Variants in TRAK1 observed in about 807,000 individuals in gnomAD.
TRAK1 encodes trafficking kinesin-binding protein 1.
A neutral mutation model predicts 92.1 loss-of-function variants in TRAK1; 33 were observed. The ratio of observed to expected loss-of-function variants is 0.36; its 90% CI spans 0.27 to 0.48. The LOEUF is 0.48. TRAK1 is among the 20% of genes least tolerant of loss of function. The probability of loss-of-function intolerance (pLI) is 0.99; values close to 1 mark genes in which losing one functional copy is unlikely to be tolerated. For synonymous variants in TRAK1, 521 were observed against 517.3 expected (o/e 1.01, Z -0.10); for missense variants, 1,123 against 1,257.9 (o/e 0.89, Z 1.62).
At chr3:42,073,652 G>C (rs1704029817) in intron 1 of TRAK1, among the ~76,000 whole-genome samples, 1 of 152,166 alleles carries the variant, frequency 6.6e-6, no homozygotes, top group South Asian at 2.1e-4. Context: ...TGACAGCCTT[G>C]CTTTTTTGCT....
chr3:42,106,757 T>G (rs1361051961), intron 1 of TRAK1, among the ~76,000 whole-genome samples: 3 of 152,210 alleles, frequency 2.0e-5, no homozygotes. Context: ...GGTATATTTG[T>G]TTTTCTTAAC....
At chr3:42,042,677 T>C (rs1702595503) in intron 1 of TRAK1, among the ~76,000 whole-genome samples, 1 of 151,946 alleles carries the variant, frequency 6.6e-6, no homozygotes, top group Non-Finnish European at 1.5e-5. Context: ...AGCCTGGAAC[T>C]TTTATTTTTT....
rs57651073 is a variant in TRAK1 at position 42,030,689 on chromosome 3, AATATATATATATAT to A, written c.-519+16611_-519+16624del. The stretch of plus-strand genomic sequence containing the variant: ...CTCCATCTCAAAAAAAAAAAAAAAG[AATATATATATATAT>A]ATATATATATATATATATATATATA... On this transcript the variant is annotated intron_variant, in intron 1 of 16. Coordinates refer to the TRAK1 transcript ENST00000487159. Among the ~76,000 whole-genome samples the A allele has an allele frequency of 1.1e-3, 106 of 97,658 alleles. 1 individual carries two copies. The highest frequency in any genetic ancestry group is 5.4e-3 in the African/African-American group (97 of 18,080). The allele number at this position is 97,658 out of a possible 152,430, so 64.1% of individuals were successfully genotyped here.
At chr3:42,083,178 T>A (rs1316013022), upstream of TRAK1, among the ~76,000 whole-genome samples, 1 of 152,226 alleles carries the variant, frequency 6.6e-6, no homozygotes, top group Admixed American at 6.5e-5. Context: ...TTATATTTTT[T>A]AAATCTTTGT....
intron 11 of TRAK1, among the ~76,000 whole-genome samples, chr3:42,199,582 A>T (rs1707233768): frequency 6.6e-6 from 1 of 152,162 alleles, no homozygotes; most frequent in Admixed American, 6.5e-5. Flanking sequence ...CAGCCTCTTG[A>T]GTAGCTAGGA....
upstream of TRAK1, among the ~76,000 whole-genome samples, chr3:42,085,728 T>A (rs1704640401): frequency 6.6e-6 from 1 of 152,246 alleles, no homozygotes; most frequent in African/African-American, 2.4e-5. Context: ...ACACTTTTTT[T>A]GTGGGTGTGG....
At chr3:42,034,965 C>T (rs1237071022) in intron 1 of TRAK1, among the ~76,000 whole-genome samples, 2 of 152,168 alleles carry the variant, frequency 1.3e-5, no homozygotes, top group African/African-American at 4.8e-5. Context: ...AGTTCTCTAC[C>T]AGTTTTCTAG....
At position 42,183,306 on chromosome 3, in the gene TRAK1, A is replaced by G. The variant is rs543589968; in HGVS notation, c.364-1379A>G. On this transcript the variant is annotated intron_variant, in intron 3 of 15. Coordinates refer to ENST00000327628, the MANE Select transcript of TRAK1 (RefSeq NM_001042646.3). ...CGCAGTGGTTCACACCTGTAATCCC[A>G]GCATTTTGGGAGGTCGAGGAGGGCG... Among the ~76,000 whole-genome samples, 10 of 152,198 alleles carry G rather than the reference A, an allele frequency of 6.6e-5. No homozygotes were observed. The South Asian group carries it at 1.0e-3, about 16-fold the overall frequency.
Position 42,136,620 on chromosome 3 carries a change from T to G in TRAK1, c.286+11006T>G, listed in dbSNP as rs192581780. On this transcript the variant is annotated intron_variant, in intron 2 of 15. Transcript: ENST00000327628. ...CCTGGGCAATTGAGTGAGACACTGT[T>G]TCAATACAAAAGAAAAATAAATAAA... 8.1e-5 allele frequency among the ~76,000 whole-genome samples: 11 copies of G among 136,382 alleles called. No individual in the cohort carries two copies. The East Asian group carries it at 2.3e-3, about 28-fold the overall frequency. The allele number at this position is 136,382 out of a possible 152,430, so 89.5% of individuals were successfully genotyped here. A position where few individuals can be genotyped will look rare whatever the true frequency, so the allele number is the denominator to read the frequency against.
intron 2 of TRAK1, among the ~76,000 whole-genome samples, chr3:42,165,602 T>G (rs1701762806): frequency 6.6e-6 from 1 of 152,126 alleles, no homozygotes; most frequent in Admixed American, 6.5e-5. Flanking sequence ...GCTGTGGAGT[T>G]GGGAATGTCA....
intron 1 of TRAK1, among the ~76,000 whole-genome samples, chr3:42,044,236 C>T (rs1702670991): frequency 6.6e-6 from 1 of 152,348 alleles, no homozygotes; most frequent in East Asian, 1.9e-4. Context: ...TCACAGCTCA[C>T]TGCAACCTCT....
chr3:42,191,475 G>A (rs780331763), intron 6 of TRAK1, 83 bp from the exon 7 acceptor site: 84 of 1,283,798 alleles, frequency 6.5e-5, no homozygotes, highest in Non-Finnish European at 8.5e-5. Context: ...ACCCCAGTTA[G>A]CCTTTGCTTT....
intron 1 of TRAK1, among the ~76,000 whole-genome samples, chr3:42,032,201 T>C (rs1239665349): frequency 6.6e-6 from 1 of 152,132 alleles, no homozygotes; most frequent in East Asian, 1.9e-4. Flanking sequence ...TCTGAAGTAT[T>C]TGAGGACAGA....
chr3:42,164,126 A>G (rs1701599982), intron 2 of TRAK1, among the ~76,000 whole-genome samples: 1 of 152,208 alleles, frequency 6.6e-6, no homozygotes, highest in African/African-American at 2.4e-5. Flanking sequence ...TGTCATGATC[A>G]CACCACCTTT....
At chr3:42,196,300 A>C (rs1245964781) in intron 10 of TRAK1, among the ~76,000 whole-genome samples, 4 of 152,214 alleles carry the variant, frequency 2.6e-5, no homozygotes, top group South Asian at 2.1e-4. Context: ...TCGCTGAATA[A>C]AACAGTGAGT....
At position 42,182,356 on chromosome 3, in the gene TRAK1, G is replaced by T. The variant is rs1704138915; in HGVS notation, c.364-2329G>T. On this transcript the variant is annotated intron_variant, in intron 3 of 15. Coordinates refer to ENST00000327628, the MANE Select transcript of TRAK1 (RefSeq NM_001042646.3). ...GTCTCTCTCAGACACTCAGGCTGTAGTGCAGTGGGGTGAGTGAGCCCCGCC... is the reference window on the plus strand; with the variant it reads ...GTCTCTCTCAGACACTCAGGCTGTATTGCAGTGGGGTGAGTGAGCCCCGCC... 2.0e-5 allele frequency among the ~76,000 whole-genome samples: 3 copies of T among 150,926 alleles called. No homozygotes were observed. The South Asian group carries it at 6.3e-4, about 32-fold the overall frequency.
At chr3:42,093,591 A>G (rs537511473) in intron 1 of TRAK1, among the ~76,000 whole-genome samples, 38 of 145,788 alleles carry the variant, frequency 2.6e-4, no homozygotes, top group African/African-American at 8.4e-4. Context: ...ACTTGAAACA[A>G]ATTTTTTTCT....
upstream of TRAK1, among the ~76,000 whole-genome samples, chr3:42,084,867 G>A (rs899810935): frequency 6.0e-5 from 9 of 150,958 alleles, no homozygotes; most frequent in Non-Finnish European, 1.5e-5. Flanking sequence ...ATTCCTAAAG[G>A]TTCCAAGCTT....
At chr3:42,035,719 C>T (rs1454524731) in intron 1 of TRAK1, among the ~76,000 whole-genome samples, 1 of 152,194 alleles carries the variant, frequency 6.6e-6, no homozygotes, top group Non-Finnish European at 1.5e-5. Flanking sequence ...CCCATCACTC[C>T]CCTGCTTAAA....
Sources: gnomAD v4.1 joint callset for allele counts (sites outside exome capture counted in the v4.1 genomes callset) on GRCh38, gnomAD v4.1.1 for gene constraint, MANE v1.5 for transcripts, NCBI Gene and HGNC (gene_info 2026-07-23, HGNC 2026-07-21) for gene names.